STARD8: variants seen among roughly 807,000 people sequenced by gnomAD.
STARD8 encodes StAR related lipid transfer domain containing 8, also known as stAR-related lipid transfer protein 8.
Under a neutral mutation model 69.4 loss-of-function variants are expected in STARD8, and 25 were observed. That is an observed-to-expected ratio of 0.36 (90% CI 0.26 to 0.50). The LOEUF is 0.50. STARD8 is among the 20% of genes least tolerant of loss of function. STARD8 has a pLI of 0.96. For synonymous variants in STARD8, 389 were observed against 374.6 expected, an observed-to-expected ratio of 1.04 and a Z score of -0.45; for missense variants, 921 against 932.5, an observed-to-expected ratio of 0.99 and a Z score of 0.16.
At chrX:68,723,172 G>T (rs1272131228) in intron 12 of STARD8, among the ~76,000 whole-genome samples, 2 of 112,776 alleles carry the variant, frequency 1.8e-5, no homozygotes, top group African/African-American at 6.4e-5. Context: ...CAAGCCTGAA[G>T]TGTCCTGTGT....
chrX:68,677,257 T>C (rs1314238910), intron 2 of STARD8, among the ~76,000 whole-genome samples: 2 of 111,939 alleles, frequency 1.8e-5, no homozygotes, highest in African/African-American at 6.5e-5. Flanking sequence ...GCAAATTCTA[T>C]CACCCCTTTG....
chrX:68,719,213 G>C lies in STARD8; in HGVS notation c.1716-12G>C. ...TCTGGGCTTCTCCACCCCTCTCACC[G>C]CCCCCCACCAGGAAGCTCCGTTGGC... On this transcript the variant is annotated splice_polypyrimidine_tract_variant and intron_variant, in intron 6 of 14. Coordinates refer to ENST00000374599, the MANE Select transcript of STARD8 (RefSeq NM_001142503.3). 8.6e-7 allele frequency: 1 copy of C among 1,164,928 alleles called. No individual in the cohort carries two copies. Among genetic ancestry groups the C allele is most frequent in the African/African-American group, 1.8e-5 (1 of 56,414 alleles).
intron 2 of STARD8, among the ~76,000 whole-genome samples, chrX:68,678,348 G>A (rs2079779976): frequency 9.0e-6 from 1 of 111,395 alleles, no homozygotes; most frequent in Non-Finnish European, 1.9e-5. Context: ...GAAAAGTAGA[G>A]GGGGCCCAAA....
At position 68,722,460 on chromosome X, in the gene STARD8, C is replaced by T. The variant is rs1180054088; in HGVS notation, c.2613C>T (p.Tyr871=). 4 of 1,207,073 alleles carry T rather than the reference C, an allele frequency of 3.3e-6. No individual in the cohort carries two copies. Among genetic ancestry groups the T allele is most frequent in the Admixed American group, 4.4e-5 (2 of 45,736 alleles). The change falls in exon 12 of 15, where the codon TAC becomes TAT. Residue 871 remains tyrosine (Y), a synonymous_variant. Transcript: ENST00000374599. The part of the protein sequence containing the change: ...QDMVLQLCSS[Y]SAAELSPPGP... ...TGGTGCTGCAGCTGTGCAGCTCCTACAGCGCAGCTGAGCTCAGCCCTCCCG... is the reference window on the plus strand; with the variant it reads ...TGGTGCTGCAGCTGTGCAGCTCCTATAGCGCAGCTGAGCTCAGCCCTCCCG...
At chrX:68,684,749 G>T (rs1251166347) in intron 2 of STARD8, among the ~76,000 whole-genome samples, 3 of 112,636 alleles carry the variant, frequency 2.7e-5, no homozygotes, top group Non-Finnish European at 5.6e-5. Context: ...GCTTCCCATT[G>T]ATTTATGGTC....
Position 68,703,961 on chromosome X carries a change from A to C in STARD8, c.80-8953A>C, listed in dbSNP as rs766155118. Among the ~76,000 whole-genome samples, 239 of 112,025 alleles carry C rather than the reference A, an allele frequency of 2.1e-3. 1 individual carries two copies. Among genetic ancestry groups the C allele is most frequent in the Non-Finnish European group, 3.8e-3 (204 of 53,216 alleles). On this transcript the variant is annotated intron_variant, in intron 2 of 14. Coordinates refer to ENST00000374599, the MANE Select transcript of STARD8 (RefSeq NM_001142503.3). ...TAGGGCAAGGCTTTGAGGTGAAGAC[A>C]TGTGCTCAATTCCATTTCTAGTGCT...
chrX:68,659,143 C>G (rs936613974), intron 1 of STARD8, among the ~76,000 whole-genome samples: 2 of 112,165 alleles, frequency 1.8e-5, no homozygotes, highest in African/African-American at 6.5e-5. Flanking sequence ...GGAGAATATT[C>G]CCCACTTCAT....
In STARD8 at chrX:68,695,513, C is replaced by A. The variant is rs755234242; in HGVS notation, c.80-17401C>A. On this transcript the variant is annotated intron_variant, in intron 2 of 14. Coordinates refer to ENST00000374599, the MANE Select transcript of STARD8 (RefSeq NM_001142503.3). The stretch of plus-strand genomic sequence containing the variant: ...AATTATGCTAAACCTCTCTGTGCAT[C>A]TACAGCTCCCCTCCCCCACCTAGAG... Among the ~76,000 whole-genome samples the A allele has an allele frequency of 2.7e-5, 3 of 111,524 alleles. No homozygotes were observed. The East Asian group carries it at 8.5e-4, about 32-fold the overall frequency.
chrX:68,652,332 C>T (rs2079553265), intron 1 of STARD8, among the ~76,000 whole-genome samples: 1 of 110,894 alleles, frequency 9.0e-6, no homozygotes, highest in Non-Finnish European at 1.9e-5. Context: ...GCCACAACTC[C>T]TCAGCCCTCT....
At chrX:68,653,672 A>C (rs1481018736) in intron 1 of STARD8, among the ~76,000 whole-genome samples, 1 of 71,076 alleles carries the variant, frequency 1.4e-5, no homozygotes, top group Non-Finnish European at 2.7e-5. Context: ...ACACCCCCCA[A>C]CACACCACAC....
intron 2 of STARD8, among the ~76,000 whole-genome samples, chrX:68,707,502 G>C (rs1262850611): frequency 9.0e-6 from 1 of 111,680 alleles, no homozygotes; most frequent in Non-Finnish European, 1.9e-5. Flanking sequence ...TACTTTAGAA[G>C]AACCGGGAGA....
chrX:68,655,277 C>A (rs2079604451), intron 1 of STARD8, among the ~76,000 whole-genome samples: 1 of 111,922 alleles, frequency 8.9e-6, no homozygotes, highest in African/African-American at 3.3e-5. Flanking sequence ...TACATGTGCA[C>A]ATATGAGACA....
chrX:68,719,513 C>G (rs976088727), intron 7 of STARD8, 115 bp downstream of exon 7: 1 of 860,317 alleles, frequency 1.2e-6, no homozygotes, highest in Non-Finnish European at 1.5e-6. Context: ...GCCAGGGGAG[C>G]GGTGAGATAT....
chrX:68,653,076 CACACCACACCACACACCACACACACCA>C (rs2079571157), intron 1 of STARD8, among the ~76,000 whole-genome samples: 1 of 37,005 alleles, frequency 2.7e-5, no homozygotes, highest in Non-Finnish European at 4.6e-5. Flanking sequence ...ACACCACACA[CACACCACACCACACACCACACACACCA>C]CACACACACA....
At chrX:68,689,473 A>G (rs2079859778) in intron 2 of STARD8, among the ~76,000 whole-genome samples, 1 of 111,830 alleles carries the variant, frequency 8.9e-6, no homozygotes, top group Non-Finnish European at 1.9e-5. Context: ...TGGCACATTG[A>G]CTGGTGTTGG....
intron 2 of STARD8, among the ~76,000 whole-genome samples, chrX:68,694,616 C>G (rs1047663423): frequency 1.4e-4 from 16 of 111,365 alleles, no homozygotes; most frequent in African/African-American, 5.2e-4. Context: ...ATAGTGTTTT[C>G]AGCCACACCT....
chrX:68,716,533 C>T, intron 5 of STARD8, 102 bp downstream of exon 5: 1 of 836,298 alleles, frequency 1.2e-6, no homozygotes, highest in East Asian at 3.3e-5. Flanking sequence ...TCCCAGGAGT[C>T]TGAGATGTCC....
chrX:68,722,221 C>T, intron 11 of STARD8, 60 bp downstream of exon 11: 1 of 1,032,481 alleles, frequency 9.7e-7, no homozygotes, highest in Non-Finnish European at 1.3e-6. Flanking sequence ...TCAGGCCTGA[C>T]CTCGGTGCCC....
rs73529866 is a variant in STARD8 at position 68,696,199 on chromosome X, C to T, written c.80-16715C>T. Among the ~76,000 whole-genome samples the T allele has an allele frequency of 6.8e-3, 766 of 112,521 alleles. 8 individuals are homozygous for T. Among genetic ancestry groups the T allele is most frequent in the African/African-American group, 0.023 (720 of 30,981 alleles). The stretch of plus-strand genomic sequence containing the variant: ...ACAGCAGATTTCAAAGATACAAGGG[C>T]TTTAGGGTGGGAAGTGTGAGCTCCC... On this transcript the variant is annotated intron_variant, in intron 2 of 14. Transcript: ENST00000374599.
Sources: gnomAD v4.1 joint callset for allele counts (sites outside exome capture counted in the v4.1 genomes callset) on GRCh38, gnomAD v4.1.1 for gene constraint, MANE v1.5 for transcripts, NCBI Gene and HGNC (gene_info 2026-07-23, HGNC 2026-07-21) for gene names.